PDLIM5: variants seen among roughly 807,000 people sequenced by gnomAD.
PDLIM5 encodes the protein PDZ and LIM domain 5, also known as PDZ and LIM domain protein 5.
PDLIM5 carries 34 observed loss-of-function variants against 64.2 expected under a neutral mutation model. That is an observed-to-expected ratio of 0.53 (90% CI 0.40 to 0.71). The LOEUF is 0.71. PDLIM5 is among the 30% of genes least tolerant of loss of function. The pLI is 0.00. For missense variants in PDLIM5, 683 were observed against 733.6 expected, an observed-to-expected ratio of 0.93 and a Z score of 0.80; for synonymous variants, 253 against 269.1, an observed-to-expected ratio of 0.94 and a Z score of 0.59.
chr4:94,514,133 CTTTTT>C (rs34757067), intron 2 of PDLIM5, among the ~76,000 whole-genome samples: 5 of 115,138 alleles, frequency 4.3e-5, no homozygotes, highest in Non-Finnish European at 6.8e-5. Context: ...CTAGTATTTT[CTTTTT>C]TTTTTTTTTT....
At chr4:94,604,662 A>C (rs924846295) in intron 7 of PDLIM5, among the ~76,000 whole-genome samples, 1 of 152,104 alleles carries the variant, frequency 6.6e-6, no homozygotes, top group Non-Finnish European at 1.5e-5. Flanking sequence ...AGTCATCTTC[A>C]TAGAAACAGT....
intron 1 of PDLIM5, among the ~76,000 whole-genome samples, chr4:94,452,288 C>T (rs1267414084): frequency 2.0e-5 from 3 of 152,154 alleles, no homozygotes; most frequent in African/African-American, 7.2e-5. Flanking sequence ...GTAGCGGAGA[C>T]GGGGACGCGG....
At chr4:94,592,987 A>C (rs1342847598) in intron 7 of PDLIM5, among the ~76,000 whole-genome samples, 2 of 152,142 alleles carry the variant, frequency 1.3e-5, no homozygotes, top group African/African-American at 4.8e-5. Flanking sequence ...ACCCCACAGT[A>C]GGAATAATTT....
chr4:94,517,795 T>A (rs1729492127), intron 2 of PDLIM5, among the ~76,000 whole-genome samples: 1 of 152,216 alleles, frequency 6.6e-6, no homozygotes. Context: ...TGGTAGTGGC[T>A]CTTTATATAG....
rs1560642911 is a variant in PDLIM5 at position 94,478,911 on chromosome 4, T to TTTTTTTTG, written c.96+23533_96+23534insTGTTTTTT. Among the ~76,000 whole-genome samples, 366 of 145,368 alleles carry TTTTTTTTG rather than the reference T, an allele frequency of 2.5e-3. 6 individuals are homozygous for TTTTTTTTG. Among genetic ancestry groups the TTTTTTTTG allele is most frequent in the African/African-American group, 9.0e-3 (337 of 37,264 alleles). On this transcript the variant is annotated intron_variant, in intron 2 of 12. Coordinates refer to ENST00000317968, the MANE Select transcript of PDLIM5 (RefSeq NM_006457.5). ...TGGTGTTTTTTTTTTTTTTTTTTTTTTTTTTTAAGACAGGGTCTTGCTGTG... is the reference window on the plus strand; with the variant it reads ...TGGTGTTTTTTTTTTTTTTTTTTTTTTTTTTTTGTTTTTTAAGACAGGGTCTTGCTGTG...
chr4:94,538,046 G>T (rs540429746), intron 3 of PDLIM5, among the ~76,000 whole-genome samples: 197 of 152,228 alleles, frequency 1.3e-3, no homozygotes, highest in African/African-American at 4.5e-3. Context: ...TTCAAATGCC[G>T]TGGAAACTTC....
intron 5 of PDLIM5, among the ~76,000 whole-genome samples, chr4:94,583,793 G>A (rs949796535): frequency 2.0e-5 from 3 of 152,110 alleles, no homozygotes; most frequent in African/African-American, 4.8e-5. Context: ...ATGTATTACA[G>A]TTGATTTTCT....
At chr4:94,480,826 A>G (rs1725783347) in intron 2 of PDLIM5, among the ~76,000 whole-genome samples, 1 of 152,212 alleles carries the variant, frequency 6.6e-6, no homozygotes, top group African/African-American at 2.4e-5. Context: ...GACAGCTGCC[A>G]GCACAGACAA....
intron 7 of PDLIM5, chr4:94,587,109 C>T: frequency 6.3e-7 from 1 of 1,578,248 alleles, no homozygotes. Context: ...CCCAAGCAGC[C>T]AGCACATACC....
chr4:94,467,561 C>G (rs1428195162), intron 2 of PDLIM5, among the ~76,000 whole-genome samples: 2 of 152,136 alleles, frequency 1.3e-5, no homozygotes, highest in Non-Finnish European at 2.9e-5. Context: ...ATCCACCCGC[C>G]TCAGCCTCCC....
intron 7 of PDLIM5, among the ~76,000 whole-genome samples, chr4:94,612,278 C>T (rs963228734): frequency 2.6e-5 from 4 of 152,056 alleles, no homozygotes; most frequent in Non-Finnish European, 4.4e-5. Context: ...ACCTATTATT[C>T]TGGGTAACTT....
chr4:94,485,559 G>T (rs1726238556), intron 2 of PDLIM5, among the ~76,000 whole-genome samples: 1 of 152,090 alleles, frequency 6.6e-6, no homozygotes, highest in African/African-American at 2.4e-5. Context: ...TATTGGCTGG[G>T]TGCGGTGGCT....
At chr4:94,459,895 A>G (rs1483873305) in intron 2 of PDLIM5, among the ~76,000 whole-genome samples, 1 of 152,208 alleles carries the variant, frequency 6.6e-6, no homozygotes, top group Non-Finnish European at 1.5e-5. Context: ...CTCCAAGTAA[A>G]GCTGTGAATG....
In PDLIM5 at chr4:94,663,961, T is replaced by A. The variant is rs1742936611; in HGVS notation, c.1702-17T>A. ...ATCCTCTTAAATAATATCTCTTAAA[T>A]GCTGCTTCTTTTTCAGGTGTGTTGT... On this transcript the variant is annotated splice_polypyrimidine_tract_variant and intron_variant, in intron 12 of 12. Coordinates refer to ENST00000317968, the MANE Select transcript of PDLIM5 (RefSeq NM_006457.5). 1 of 1,592,780 alleles carries A rather than the reference T, an allele frequency of 6.3e-7. No homozygotes were observed. The highest frequency in any genetic ancestry group is 8.6e-7 in the Non-Finnish European group (1 of 1,162,916).
chr4:94,666,794 G>A lies in PDLIM5; in HGVS notation c.*2727G>A, dbSNP rs897852830. The A allele has an allele frequency of 1.3e-5, 2 of 152,194 alleles. No individual in the cohort carries two copies. The highest frequency in any genetic ancestry group is 2.9e-5 in the Non-Finnish European group (2 of 68,024). 9.4% of individuals were successfully genotyped at this position (152,194 alleles called of 1,614,324 possible). ...TCCAAATTTTATGCCTGAAAGGGTAGTGTTGCTTCCTAAGGTATCATGTTG... is the reference window on the plus strand; with the variant it reads ...TCCAAATTTTATGCCTGAAAGGGTAATGTTGCTTCCTAAGGTATCATGTTG... On this transcript the variant is annotated 3_prime_UTR_variant, in exon 13 of 13. Coordinates refer to ENST00000317968, the MANE Select transcript of PDLIM5 (RefSeq NM_006457.5).
intron 2 of PDLIM5, among the ~76,000 whole-genome samples, chr4:94,475,466 T>G (rs1181218668): frequency 6.6e-6 from 1 of 152,244 alleles, no homozygotes; most frequent in African/African-American, 2.4e-5. Context: ...TTGAGTTTCA[T>G]GGTCAATGTG....
intron 7 of PDLIM5, among the ~76,000 whole-genome samples, chr4:94,617,737 CTG>C (rs760258874): frequency 8.0e-5 from 12 of 150,506 alleles, no homozygotes; most frequent in Non-Finnish European, 1.2e-4. Flanking sequence ...AAATGATTAA[CTG>C]TGTAAATTTT....
At chr4:94,615,417 T>G (rs1225430546) in intron 7 of PDLIM5, among the ~76,000 whole-genome samples, 1 of 151,388 alleles carries the variant, frequency 6.6e-6, no homozygotes. Context: ...ACACAGTGCA[T>G]GATGCGTTAT....
chr4:94,582,462 C>A, intron 5 of PDLIM5: 3 of 374,208 alleles, frequency 8.0e-6, no homozygotes, highest in Non-Finnish European at 1.4e-5. Flanking sequence ...GGGAACAAAA[C>A]TGTTGTCTTG....
Sources: gnomAD v4.1 joint callset for allele counts (sites outside exome capture counted in the v4.1 genomes callset) on GRCh38, gnomAD v4.1.1 for gene constraint, MANE v1.5 for transcripts, NCBI Gene and HGNC (gene_info 2026-07-23, HGNC 2026-07-21) for gene names.